Variants in SUCLG1 observed in about 807,000 individuals in gnomAD.
The protein encoded by SUCLG1 is succinate--CoA ligase [ADP/GDP-forming] subunit alpha, mitochondrial.
In SUCLG1, 26 loss-of-function variants were observed where a neutral mutation model predicts 37.3. That is an observed-to-expected ratio of 0.70 (90% CI 0.51 to 0.97). The LOEUF is 0.97. Ranked by LOEUF, SUCLG1 falls within the 50% of genes least tolerant of loss-of-function variation. The pLI is 0.00. For missense variants in SUCLG1, 433 were observed against 432.9 expected, an observed-to-expected ratio of 1.00 and a Z score of 0.00; for synonymous variants, 163 against 155.6, an observed-to-expected ratio of 1.05 and a Z score of -0.36.
chr2:84,458,443 T>C (rs1673064644), intron 1 of SUCLG1: 1 of 152,254 alleles, frequency 6.6e-6, no homozygotes, highest in African/African-American at 2.4e-5. Context: ...TTCTTTCTAC[T>C]ATAACCTACC....
At chr2:84,447,494 TA>T (rs2104261314) in intron 2 of SUCLG1, among the ~76,000 whole-genome samples, 5 of 152,286 alleles carry the variant, frequency 3.3e-5, no homozygotes, top group African/African-American at 1.2e-4. Flanking sequence ...AAATGTCACA[TA>T]ATCATATAAT....
chr2:84,429,361 CTT>C, intron 7 of SUCLG1, among the ~76,000 whole-genome samples: 2 of 150,620 alleles, frequency 1.3e-5, no homozygotes, highest in Admixed American at 1.3e-4. Flanking sequence ...TTAACCGAAA[CTT>C]TTTTTTTTAA....
chr2:84,453,546 C>G (rs1160448215), intron 1 of SUCLG1, among the ~76,000 whole-genome samples: 2 of 152,008 alleles, frequency 1.3e-5, no homozygotes, highest in Non-Finnish European at 2.9e-5. Context: ...TCCTGAGTAT[C>G]TGGGACTATA....
At chr2:84,447,804 A>C (rs1411742783) in intron 2 of SUCLG1, among the ~76,000 whole-genome samples, 3 of 152,124 alleles carry the variant, frequency 2.0e-5, no homozygotes, top group African/African-American at 7.2e-5. Flanking sequence ...ATCATGACTC[A>C]CTGCAGCCTC....
At chr2:84,440,969 G>A in intron 5 of SUCLG1, 78 bp downstream of exon 5, 3 of 1,469,936 alleles carry the variant, frequency 2.0e-6, no homozygotes, top group Non-Finnish European at 2.8e-6. Context: ...GATTTGCAAA[G>A]TCAAAAATTC....
rs566245551 is a variant in SUCLG1, at chr2:84,445,192, C to T, written c.202-1792G>A. On this transcript the variant is annotated intron_variant, in intron 2 of 8. Transcript: ENST00000393868. ...GTTCAGAGATTGCAGTAAAGACAGG[C>T]GTAAGAAATTATAAAAGTATTAATT... is the stretch of plus-strand genomic sequence containing the variant. Among the ~76,000 whole-genome samples, 7 of 152,186 alleles carry T rather than the reference C, an allele frequency of 4.6e-5. No homozygotes were observed. In the East Asian group the frequency reaches 5.8e-4, roughly 13 times the overall value.
Position 84,441,467 on chromosome 2 carries a change from A to G in SUCLG1, c.319-8T>C, listed in dbSNP as rs370790297. ...TCCTGTCTGTTCTTTGGCCTGAAAC[A>G]TTAACGACGAAGCACCTTATTATTT... is the stretch of plus-strand genomic sequence containing the variant. On this transcript the variant is annotated splice_region_variant and splice_polypyrimidine_tract_variant and intron_variant, in intron 3 of 8. Transcript: ENST00000393868. 155 of 1,613,582 alleles carry G rather than the reference A, an allele frequency of 9.6e-5. No individual in the cohort carries two copies. The highest frequency in any genetic ancestry group is 2.7e-4 in the Admixed American group (16 of 59,952).
intron 7 of SUCLG1, among the ~76,000 whole-genome samples, chr2:84,429,694 C>T (rs527933243): frequency 6.6e-6 from 1 of 152,264 alleles, no homozygotes; most frequent in East Asian, 1.9e-4. Context: ...GAATACCATG[C>T]TAAATCTGCC....
At chr2:84,446,275 C>T (rs1046797194) in intron 2 of SUCLG1, among the ~76,000 whole-genome samples, 1 of 152,154 alleles carries the variant, frequency 6.6e-6, no homozygotes, top group African/African-American at 2.4e-5. Context: ...TGATATATTC[C>T]CCACCAACCA....
chr2:84,445,345 C>T (rs1672833656), intron 2 of SUCLG1, among the ~76,000 whole-genome samples: 1 of 152,188 alleles, frequency 6.6e-6, no homozygotes, highest in Non-Finnish European at 1.5e-5. Flanking sequence ...CATCTAAATT[C>T]ATGCCCTTGG....
chr2:84,452,772 G>A (rs2104267476), intron 1 of SUCLG1, among the ~76,000 whole-genome samples: 1 of 152,190 alleles, frequency 6.6e-6, no homozygotes, highest in Non-Finnish European at 1.5e-5. Context: ...TACTCATCTT[G>A]TCTCCTATGG....
At chr2:84,450,074 A>G (rs368628595) in intron 1 of SUCLG1, among the ~76,000 whole-genome samples, 2 of 152,164 alleles carry the variant, frequency 1.3e-5, no homozygotes, top group Non-Finnish European at 2.9e-5. Context: ...CTCAAAGATA[A>G]ATGGTTAAAA....
At chr2:84,449,833 A>T in intron 1 of SUCLG1, 81 bp from the exon 2 acceptor site, 1 of 1,186,120 alleles carries the variant, frequency 8.4e-7, no homozygotes, top group Non-Finnish European at 1.2e-6. Flanking sequence ...ATTCAACTTG[A>T]TCACAAAAAA....
intron 1 of SUCLG1, among the ~76,000 whole-genome samples, chr2:84,452,588 A>G (rs1672956944): frequency 6.6e-6 from 1 of 152,106 alleles, no homozygotes; most frequent in South Asian, 2.1e-4. Context: ...TGGGTATACA[A>G]TAAACACCAT....
At chr2:84,429,586 T>G (rs1672586641) in intron 7 of SUCLG1, among the ~76,000 whole-genome samples, 1 of 152,026 alleles carries the variant, frequency 6.6e-6, no homozygotes, top group Non-Finnish European at 1.5e-5. Context: ...AAGCATTCCT[T>G]GCAGAAGGAA....
chr2:84,447,211 G>A (rs1488505119), intron 2 of SUCLG1, among the ~76,000 whole-genome samples: 3 of 152,186 alleles, frequency 2.0e-5, no homozygotes, highest in Non-Finnish European at 4.4e-5. Context: ...ATTTACTGTG[G>A]AAGTAAGTTC....
chr2:84,448,072 T>C (rs1031412711), intron 2 of SUCLG1, among the ~76,000 whole-genome samples: 3 of 150,830 alleles, frequency 2.0e-5, no homozygotes, highest in Admixed American at 2.0e-4. Flanking sequence ...TATGGGTGTT[T>C]CATTTTTTGA....
intron 1 of SUCLG1, among the ~76,000 whole-genome samples, chr2:84,456,056 T>C (rs1673014452): frequency 6.6e-6 from 1 of 152,186 alleles, no homozygotes; most frequent in Non-Finnish European, 1.5e-5. Context: ...GGTTATTACA[T>C]GCAATGGCAA....
intron 2 of SUCLG1, 76 bp downstream of exon 2, chr2:84,449,573 A>T: frequency 1.0e-6 from 1 of 979,290 alleles, no homozygotes; most frequent in Non-Finnish European, 1.5e-6. Flanking sequence ...TATTTTTGAG[A>T]TATTAAAAAT....
Sources: allele counts gnomAD v4.1 joint callset (sites outside exome capture counted in the v4.1 genomes callset), GRCh38; gene constraint gnomAD v4.1.1; transcripts MANE v1.5; gene names NCBI Gene and HGNC (gene_info 2026-07-23, HGNC 2026-07-21).